Variants in FRMD5 observed in about 807,000 individuals in gnomAD.
FRMD5 encodes the protein FERM domain containing 5.
Under a neutral mutation model 69.0 loss-of-function variants are expected in FRMD5, and 20 were observed. That is an observed-to-expected ratio of 0.29 (90% CI 0.20 to 0.42). FRMD5 has a LOEUF of 0.42. Among genes scored for constraint, FRMD5 ranks in the 10% least tolerant of loss-of-function variants. FRMD5 has a pLI of 1.00. For synonymous variants in FRMD5, 271 were observed against 260.1 expected, an observed-to-expected ratio of 1.04 and a Z score of -0.40; for missense variants, 595 against 708.6, an observed-to-expected ratio of 0.84 and a Z score of 1.82.
intron 1 of FRMD5, among the ~76,000 whole-genome samples, chr15:43,954,800 T>G (rs957643857): frequency 6.6e-6 from 1 of 152,196 alleles, no homozygotes; most frequent in African/African-American, 2.4e-5. Flanking sequence ...GAAATCTACC[T>G]TACATGAGAT....
At chr15:44,142,959 G>A (rs542714672) in intron 1 of FRMD5, among the ~76,000 whole-genome samples, 3 of 152,132 alleles carry the variant, frequency 2.0e-5, no homozygotes, top group South Asian at 2.1e-4. Context: ...GCGTGGTGGC[G>A]CGGGCCTGCA....
chr15:44,103,194 G>A (rs1269444312), intron 1 of FRMD5, among the ~76,000 whole-genome samples: 1 of 152,148 alleles, frequency 6.6e-6, no homozygotes, highest in African/African-American at 2.4e-5. Context: ...GTGTCCACTT[G>A]ACTCATTAGC....
At chr15:44,020,974 C>T (rs1162373472) in intron 1 of FRMD5, among the ~76,000 whole-genome samples, 1 of 152,162 alleles carries the variant, frequency 6.6e-6, no homozygotes, top group Non-Finnish European at 1.5e-5. Context: ...AAATGATTAG[C>T]TTTGTGTATT....
intron 1 of FRMD5, among the ~76,000 whole-genome samples, chr15:43,951,830 G>T (rs1024074136): frequency 6.6e-6 from 1 of 152,072 alleles, no homozygotes; most frequent in Non-Finnish European, 1.5e-5. Context: ...GGACTTGCCT[G>T]CTACTTTTCT....
At chr15:44,111,150 G>A (rs1170982233) in intron 1 of FRMD5, among the ~76,000 whole-genome samples, 4 of 151,990 alleles carry the variant, frequency 2.6e-5, no homozygotes, top group Non-Finnish European at 5.9e-5. Flanking sequence ...ACATATATAT[G>A]TAACATACAT....
chr15:44,130,899 TAGC>T (rs2077089287), intron 1 of FRMD5, among the ~76,000 whole-genome samples: 1 of 152,184 alleles, frequency 6.6e-6, no homozygotes, highest in African/African-American at 2.4e-5. Context: ...TTCACAGTAA[TAGC>T]AGTAGCAAAA....
intron 1 of FRMD5, among the ~76,000 whole-genome samples, chr15:44,155,222 G>A (rs1296181849): frequency 1.3e-5 from 2 of 151,920 alleles, no homozygotes; most frequent in Non-Finnish European, 1.5e-5. Flanking sequence ...TCCCAAGGTC[G>A]GGAGATCAAG....
intron 1 of FRMD5, among the ~76,000 whole-genome samples, chr15:43,937,134 A>G (rs754203534): frequency 6.6e-6 from 1 of 152,166 alleles, no homozygotes; most frequent in Non-Finnish European, 1.5e-5. Context: ...AAAGTGTTAC[A>G]TTTCTAAGAT....
At chr15:44,064,700 G>C (rs1389499100) in intron 1 of FRMD5, among the ~76,000 whole-genome samples, 5 of 152,138 alleles carry the variant, frequency 3.3e-5, no homozygotes, top group African/African-American at 1.2e-4. Context: ...GCACACTGTA[G>C]TCTTATATTA....
At chr15:44,007,825 G>A (rs1890527758) in intron 1 of FRMD5, among the ~76,000 whole-genome samples, 1 of 151,630 alleles carries the variant, frequency 6.6e-6, no homozygotes, top group Admixed American at 6.6e-5. Flanking sequence ...TGTATTTTCA[G>A]TAGAGACGGG....
intron 1 of FRMD5, among the ~76,000 whole-genome samples, chr15:43,942,892 T>C (rs190218772): frequency 6.6e-6 from 1 of 152,208 alleles, no homozygotes; most frequent in Non-Finnish European, 1.5e-5. Flanking sequence ...CCCAAGTAAC[T>C]GGGACTTTAG....
chr15:44,194,706 G>A (rs1474085612), intron 1 of FRMD5: 3 of 590,440 alleles, frequency 5.1e-6, no homozygotes, highest in Non-Finnish European at 9.1e-6. Context: ...GGGAGAGCAG[G>A]GTAGGACTTA....
At chr15:44,156,848 C>T (rs562094970) in intron 1 of FRMD5, among the ~76,000 whole-genome samples, 2 of 152,232 alleles carry the variant, frequency 1.3e-5, no homozygotes, top group African/African-American at 2.4e-5. Context: ...AGGAGGACTG[C>T]TCCAGCTCAA....
chr15:44,148,461 C>T (rs1306271307), intron 1 of FRMD5, among the ~76,000 whole-genome samples: 7 of 152,004 alleles, frequency 4.6e-5, no homozygotes, highest in East Asian at 1.9e-4. Flanking sequence ...TTAGTTGAGA[C>T]GGGGTTTCAC....
intron 1 of FRMD5, among the ~76,000 whole-genome samples, chr15:44,068,774 T>C (rs1392375812): frequency 6.6e-6 from 1 of 152,188 alleles, no homozygotes; most frequent in African/African-American, 2.4e-5. Context: ...GTTGAAAAGA[T>C]TGCTAGCAAG....
chr15:44,062,148 TAAAG>T (rs1893114423), intron 1 of FRMD5, among the ~76,000 whole-genome samples: 1 of 152,206 alleles, frequency 6.6e-6, no homozygotes, highest in African/African-American at 2.4e-5. Flanking sequence ...CTGATGTAAA[TAAAG>T]ACTTTATTTT....
intron 1 of FRMD5, among the ~76,000 whole-genome samples, chr15:43,971,712 G>A (rs766047101): frequency 5.3e-5 from 8 of 151,064 alleles, no homozygotes; most frequent in South Asian, 2.1e-4. Flanking sequence ...TTAAAACTTC[G>A]TTTTTTCTTC....
At chr15:44,176,360 C>T (rs2077894445) in intron 1 of FRMD5, among the ~76,000 whole-genome samples, 1 of 152,164 alleles carries the variant, frequency 6.6e-6, no homozygotes, top group Non-Finnish European at 1.5e-5. Flanking sequence ...ACCTATCTCA[C>T]ACCATACACA....
chr15:43,906,269 TCCG>T lies in FRMD5; in HGVS notation c.428-321_428-319del, dbSNP rs555484084. ...GGCCTGCACTATGGTCCTCATCCAT[TCCG>T]CCATGAGAAGATGGTCTGGGAGCAA... is the stretch of plus-strand genomic sequence containing the variant. On this transcript the variant is annotated intron_variant, in intron 5 of 13. Transcript: ENST00000417257. Among the ~76,000 whole-genome samples the T allele has an allele frequency of 1.2e-4, 18 of 152,298 alleles. No individual in the cohort carries two copies. The South Asian group carries it at 3.7e-3, about 32-fold the overall frequency.
Sources: allele counts gnomAD v4.1 joint callset (sites outside exome capture counted in the v4.1 genomes callset), GRCh38; gene constraint gnomAD v4.1.1; transcripts MANE v1.5; gene names NCBI Gene and HGNC (gene_info 2026-07-23, HGNC 2026-07-21).